The following EDA variants were observed in gnomAD, a reference collection of about 807,000 sequenced individuals.
The protein encoded by EDA is ectodysplasin-A.
A neutral mutation model predicts 23.6 loss-of-function variants in EDA; 2 were observed. The observed-to-expected ratio is 0.08, with a 90% CI of 0.03 to 0.27. The LOEUF (loss-of-function observed/expected upper bound fraction) is 0.27. EDA is among the 10% of genes least tolerant of loss of function. The probability of loss-of-function intolerance (pLI) is 1.00; values close to 1 mark genes in which losing one functional copy is unlikely to be tolerated. For synonymous variants in EDA, 131 were observed against 132.0 expected (o/e 0.99, Z 0.05); for missense variants, 229 against 324.2 (o/e 0.71, Z 2.26).
At chrX:69,992,155 G>A (rs2019596994) in intron 2 of EDA, among the ~76,000 whole-genome samples, 2 of 111,479 alleles carry the variant, frequency 1.8e-5, no homozygotes, top group Admixed American at 9.5e-5. Context: ...TGCAGGACTC[G>A]CTAGCACTGG....
At chrX:69,787,589 T>A (rs931843591) in intron 1 of EDA, among the ~76,000 whole-genome samples, 1 of 108,721 alleles carries the variant, frequency 9.2e-6, no homozygotes, top group Non-Finnish European at 1.9e-5. Flanking sequence ...GCATTGAAAA[T>A]TCTTTTCTTT....
At chrX:70,005,703 G>T (rs1382974551) in intron 2 of EDA, among the ~76,000 whole-genome samples, 2 of 109,925 alleles carry the variant, frequency 1.8e-5, no homozygotes, top group African/African-American at 3.3e-5. Flanking sequence ...TATGTGAAAG[G>T]TGTGGTGGAT....
At chrX:69,785,093 T>C (rs1351531372) in intron 1 of EDA, among the ~76,000 whole-genome samples, 1 of 104,405 alleles carries the variant, frequency 9.6e-6, no homozygotes, top group African/African-American at 3.6e-5. Context: ...GCTCTCTGTT[T>C]GTCTGTTGTT....
At chrX:69,645,584 T>TTATATATATATATATATGTGTGTGTA (rs761403541) in intron 1 of EDA, among the ~76,000 whole-genome samples, 5 of 54,371 alleles carry the variant, frequency 9.2e-5, no homozygotes, top group Non-Finnish European at 5.9e-5. Context: ...TCTAGTTCTT[T>TTATATATATATATATATGTGTGTGTA]TATATATATG....
chrX:69,767,175 T>A (rs1389396493), intron 1 of EDA, among the ~76,000 whole-genome samples: 1 of 112,004 alleles, frequency 8.9e-6, no homozygotes, highest in African/African-American at 3.2e-5. Flanking sequence ...TAATTACTAG[T>A]AACATTGTGA....
intron 1 of EDA, among the ~76,000 whole-genome samples, chrX:69,878,634 G>A (rs896974263): frequency 1.8e-5 from 2 of 110,273 alleles, no homozygotes; most frequent in African/African-American, 6.6e-5. Context: ...ACTGTTCTGC[G>A]GGGTGCAAGG....
intron 1 of EDA, among the ~76,000 whole-genome samples, chrX:69,798,744 CA>C (rs1370229935): frequency 9.0e-6 from 1 of 110,818 alleles, no homozygotes; most frequent in African/African-American, 3.3e-5. Context: ...AAGAACAAAC[CA>C]AGCCAAAATT....
Position 69,676,501 on chromosome X carries a change from T to TGTGTGC in EDA, c.396+59798_396+59799insTGTGCG, listed in dbSNP as rs1258009309. On this transcript the variant is annotated intron_variant, in intron 1 of 7. Transcript: ENST00000374552. ...GAGTTTTTCTGTGTGTGTGTGTGTG[T>TGTGTGC]GCGCGCGCGCACGTGTGCTTGTGTG... Among the ~76,000 whole-genome samples, 770 of 109,094 alleles carry TGTGTGC rather than the reference T, an allele frequency of 7.1e-3. 4 individuals carry two copies. Among genetic ancestry groups the TGTGTGC allele is most frequent in the Non-Finnish European group, 0.012 (656 of 52,617 alleles). 94.7% of individuals were successfully genotyped at this position (109,094 alleles called of 115,157 possible).
chrX:69,775,846 C>G (rs2014766161), intron 1 of EDA, among the ~76,000 whole-genome samples: 1 of 111,864 alleles, frequency 8.9e-6, no homozygotes, highest in African/African-American at 3.2e-5. Flanking sequence ...AATCTTCATT[C>G]ACACAGATAA....
chrX:69,794,749 A>G (rs2015501462), intron 1 of EDA, among the ~76,000 whole-genome samples: 1 of 112,052 alleles, frequency 8.9e-6, no homozygotes, highest in Admixed American at 9.4e-5. Context: ...GGGAGGTAAA[A>G]TAAAGTGAAC....
At chrX:69,815,634 G>A (rs1272037256) in intron 1 of EDA, among the ~76,000 whole-genome samples, 4 of 110,094 alleles carry the variant, frequency 3.6e-5, no homozygotes, top group Admixed American at 9.5e-5. Context: ...ACCTCCCTGC[G>A]GGGGCTTCAG....
chrX:69,867,473 A>G (rs181231433), intron 1 of EDA, among the ~76,000 whole-genome samples: 2 of 112,335 alleles, frequency 1.8e-5, no homozygotes, highest in African/African-American at 6.5e-5. Context: ...GTCCCTGACC[A>G]TCCAGCCAAA....
chrX:69,751,323 T>G (rs2013851374), intron 1 of EDA, among the ~76,000 whole-genome samples: 2 of 112,198 alleles, frequency 1.8e-5, no homozygotes, highest in African/African-American at 3.2e-5. Context: ...TTGTCAAAGA[T>G]CAGATGGTTG....
At chrX:69,621,844 G>A (rs757635716) in intron 1 of EDA, among the ~76,000 whole-genome samples, 153 of 111,242 alleles carry the variant, frequency 1.4e-3, no homozygotes, top group African/African-American at 4.7e-3. Context: ...AGGAACAAGC[G>A]ATCTTCCAAC....
chrX:69,783,647 A>G (rs1303968225), intron 1 of EDA, among the ~76,000 whole-genome samples: 1 of 111,463 alleles, frequency 9.0e-6, no homozygotes. Context: ...ATAGTATTCC[A>G]TGGTGTATAT....
chrX:69,759,637 A>G lies in EDA; in HGVS notation c.396+142933A>G, dbSNP rs569032991. On this transcript the variant is annotated intron_variant, in intron 1 of 7. Coordinates refer to ENST00000374552, the MANE Select transcript of EDA (RefSeq NM_001399.5). ...CCTTTCTCTGAGGAGCTTACAGTCT[A>G]AAGATACAAGCTGGTGCGGTACAAT... Among the ~76,000 whole-genome samples the G allele has an allele frequency of 7.3e-4, 82 of 111,780 alleles. 1 individual carries two copies. The South Asian group carries it at 0.03, about 41-fold the overall frequency.
intron 2 of EDA, among the ~76,000 whole-genome samples, chrX:69,987,671 C>G (rs933859985): frequency 9.0e-6 from 1 of 111,221 alleles, no homozygotes; most frequent in Non-Finnish European, 1.9e-5. Context: ...TTTGACCATA[C>G]TTTTCCTACT....
At chrX:69,804,240 G>T (rs1048552952) in intron 1 of EDA, among the ~76,000 whole-genome samples, 3 of 110,765 alleles carry the variant, frequency 2.7e-5, no homozygotes, top group Non-Finnish European at 3.8e-5. Context: ...TCTTCATATT[G>T]TTCTTCATAG....
rs933765608 is a variant in EDA, at chrX:69,837,504, C to T, written c.397-119523C>T. On this transcript the variant is annotated intron_variant, in intron 1 of 7. Transcript: ENST00000374552. ...AAACAATTTAAAAATGAAGTTGTAA[C>T]AGTTTTCTATAATTGTTGCATATGA... 1.8e-4 allele frequency among the ~76,000 whole-genome samples: 20 copies of T among 112,245 alleles called. 1 individual carries two copies. The highest frequency in any genetic ancestry group is 6.2e-4 in the African/African-American group (19 of 30,878).
Sources: gnomAD v4.1 joint callset for allele counts (sites outside exome capture counted in the v4.1 genomes callset) on GRCh38, gnomAD v4.1.1 for gene constraint, MANE v1.5 for transcripts, NCBI Gene and HGNC (gene_info 2026-07-23, HGNC 2026-07-21) for gene names.